The following AGO2 variants were observed in gnomAD, a reference collection of about 807,000 sequenced individuals.
AGO2 encodes argonaute RISC catalytic component 2.
Under a neutral mutation model 102.3 loss-of-function variants are expected in AGO2, and 5 were observed. The observed-to-expected ratio is 0.05, with a 90% CI of 0.03 to 0.10. The LOEUF is 0.10. Ranked by LOEUF, AGO2 falls within the 10% of genes least tolerant of loss-of-function variation. The pLI is 1.00. For missense variants in AGO2, 541 were observed against 1,183.7 expected (o/e 0.46, Z 7.97); for synonymous variants, 449 against 473.1 (o/e 0.95, Z 0.66).
At chr8:140,593,569 A>C (rs1423457571) in intron 1 of AGO2, among the ~76,000 whole-genome samples, 5 of 151,640 alleles carry the variant, frequency 3.3e-5, no homozygotes, top group South Asian at 2.1e-4. Flanking sequence ...AAAAAAAAAA[A>C]AACTTTGTGC....
chr8:140,551,440 C>A lies in AGO2; in HGVS notation c.1270-4G>T. The A allele has an allele frequency of 6.4e-7, 1 of 1,550,510 alleles. No homozygotes were observed. Among genetic ancestry groups the A allele is most frequent in the Non-Finnish European group, 8.8e-7 (1 of 1,141,046 alleles). On this transcript the variant is annotated splice_region_variant and splice_polypyrimidine_tract_variant and intron_variant, in intron 10 of 18. Transcript: ENST00000220592. ...CAGGGGTCGCAATAGCTTTATTCTG[C>A]AAATGGCAAAAGGTTCAGGGTGAGA...
At chr8:140,612,708 C>T (rs1316877021) in intron 1 of AGO2, among the ~76,000 whole-genome samples, 1 of 151,236 alleles carries the variant, frequency 6.6e-6, no homozygotes, top group African/African-American at 2.4e-5. Flanking sequence ...GCCGAGACTG[C>T]GCCACTGCAC....
Position 140,535,517 on chromosome 8 carries a change from G to C in AGO2, c.2222C>G (p.Thr741Ser). The change falls in exon 17 of 19, where the codon ACC becomes AGC. Residue 741 changes from threonine (T) to serine (S), a missense_variant. By Grantham distance (58) the Thr-to-Ser change is moderately conservative (BLOSUM62 1). This residue lies in a region of AGO2 where 309 missense variants were observed against 735.1 expected (regional missense o/e 0.42). Coordinates refer to ENST00000220592, the MANE Select transcript of AGO2 (RefSeq NM_012154.5). ...PAGTTVDTKI[T>S]HPTEFDFYLC... ...GTAGAAGTCGAACTCGGTGGGGTGG[G>C]TGATTTTCGTGTCCACAGTCGTGCC... 1 of 1,614,268 alleles carries C rather than the reference G, an allele frequency of 6.2e-7. No homozygotes were observed. Among genetic ancestry groups the C allele is most frequent in the Non-Finnish European group, 8.5e-7 (1 of 1,180,042 alleles).
At chr8:140,536,037 G>C (rs1169936816) in intron 16 of AGO2, among the ~76,000 whole-genome samples, 2 of 152,238 alleles carry the variant, frequency 1.3e-5, no homozygotes, top group African/African-American at 4.8e-5. Flanking sequence ...AGGAGTGCCT[G>C]TGCTTTGCCG....
chr8:140,580,246 T>C (rs1653502268), intron 2 of AGO2, among the ~76,000 whole-genome samples: 1 of 152,262 alleles, frequency 6.6e-6, no homozygotes, highest in Non-Finnish European at 1.5e-5. Context: ...GGGTGGACTA[T>C]ACTGCAGGGC....
At chr8:140,541,914 A>G (rs1588440537) in intron 14 of AGO2, among the ~76,000 whole-genome samples, 2 of 152,120 alleles carry the variant, frequency 1.3e-5, no homozygotes, top group Admixed American at 1.3e-4. Context: ...AAACAAAAAC[A>G]AAAACAAAAA....
At chr8:140,630,838 GC>G (rs1051779137) in intron 1 of AGO2, among the ~76,000 whole-genome samples, 1 of 152,218 alleles carries the variant, frequency 6.6e-6, no homozygotes, top group African/African-American at 2.4e-5. Context: ...AAAGGGACCT[GC>G]CCCAACACTC....
chr8:140,555,772 G>C (rs2073083914), intron 10 of AGO2, 124 bp downstream of exon 10: 1 of 1,339,706 alleles, frequency 7.5e-7, no homozygotes, highest in Admixed American at 2.9e-5. Flanking sequence ...GCTCAGCCGG[G>C]AGTAGAAAGG....
chr8:140,600,458 A>G (rs2133049396), intron 1 of AGO2, among the ~76,000 whole-genome samples: 1 of 152,314 alleles, frequency 6.6e-6, no homozygotes, highest in East Asian at 1.9e-4. Context: ...AGGCGGGCAG[A>G]TCACCTGAGG....
At chr8:140,597,483 C>CCCCCCCCCCCCCCCCG (rs2073865184) in intron 1 of AGO2, among the ~76,000 whole-genome samples, 1 of 138,234 alleles carries the variant, frequency 7.2e-6, no homozygotes, top group African/African-American at 3.0e-5. Flanking sequence ...CACCCCCCCC[C>CCCCCCCCCCCCCCCCG]CCCCGCCCCA....
At position 140,567,930 on chromosome 8, in the gene AGO2, A is replaced by G. The variant is rs2132962387; in HGVS notation, c.336+4882T>C. Among the ~76,000 whole-genome samples the G allele has an allele frequency of 6.6e-6, 1 of 152,138 alleles. No individual in the cohort carries two copies. The highest frequency in any genetic ancestry group is 2.1e-4 in the South Asian group (1 of 4,818). ...CGCTTGAGCTCAGGAGTTGCAGACC[A>G]GCCCGGGCAATGTGGCAAAACTCTG... is the stretch of plus-strand genomic sequence containing the variant. On this transcript the variant is annotated intron_variant, in intron 3 of 18. Transcript: ENST00000220592. The surrounding 1 kb of genome is among the most constrained non-coding windows in gnomAD (Gnocchi z 5.0).
At chr8:140,602,073 G>A (rs763765293) in intron 1 of AGO2, among the ~76,000 whole-genome samples, 38 of 152,168 alleles carry the variant, frequency 2.5e-4, no homozygotes, top group Admixed American at 9.8e-4. Flanking sequence ...GAACCACTGC[G>A]TTTGCATGTA....
chr8:140,640,297 A>C (rs1339783316), upstream of AGO2, among the ~76,000 whole-genome samples: 1 of 152,194 alleles, frequency 6.6e-6, no homozygotes, highest in Non-Finnish European at 1.5e-5. Flanking sequence ...GGCGTGAGCC[A>C]CCATGCACAG....
intron 1 of AGO2, among the ~76,000 whole-genome samples, chr8:140,633,381 C>T (rs2074365083): frequency 6.6e-6 from 1 of 152,134 alleles, no homozygotes; most frequent in Non-Finnish European, 1.5e-5. Flanking sequence ...CCCATCCTGC[C>T]ATTAGCTATG....
At chr8:140,639,480 G>GAAAA (rs36037273), upstream of AGO2, among the ~76,000 whole-genome samples, 16 of 139,870 alleles carry the variant, frequency 1.1e-4, no homozygotes, top group Middle Eastern at 3.5e-3. Flanking sequence ...AACTCCATCT[G>GAAAA]AAAAAAAAAA....
rs867621070 is a variant in AGO2, at chr8:140,573,426, G to A, written c.216-494C>T. 3.6e-4 allele frequency among the ~76,000 whole-genome samples: 54 copies of A among 151,860 alleles called. 1 individual carries two copies. Among genetic ancestry groups the A allele is most frequent in the African/African-American group, 1.2e-3 (48 of 41,386 alleles). ...ACTCCCAACCTCAAGTGATCCACCCGCCTTGGCCTCCCAAATGCTGGAATT... is the reference window on the plus strand; with the variant it reads ...ACTCCCAACCTCAAGTGATCCACCCACCTTGGCCTCCCAAATGCTGGAATT... On this transcript the variant is annotated intron_variant, in intron 2 of 18. Coordinates refer to ENST00000220592, the MANE Select transcript of AGO2 (RefSeq NM_012154.5).
chr8:140,581,403 A>G (rs1309076743), intron 2 of AGO2, among the ~76,000 whole-genome samples: 2 of 152,082 alleles, frequency 1.3e-5, no homozygotes, highest in African/African-American at 2.4e-5. Context: ...AATCCCAGCT[A>G]CTCCGGACGG....
intron 1 of AGO2, among the ~76,000 whole-genome samples, chr8:140,619,533 G>T (rs117404731): frequency 6.6e-6 from 1 of 152,316 alleles, no homozygotes; most frequent in South Asian, 2.1e-4. Context: ...TAAGGAAGCC[G>T]CGGGAGGCCT....
At position 140,579,767 on chromosome 8, in the gene AGO2, A is replaced by T. The variant is rs575906458; in HGVS notation, c.215+5352T>A. 2.3e-4 allele frequency among the ~76,000 whole-genome samples: 35 copies of T among 152,154 alleles called. No individual in the cohort carries two copies. In the South Asian group the frequency reaches 7.0e-3, roughly 31 times the overall value. On this transcript the variant is annotated intron_variant, in intron 2 of 18. Transcript: ENST00000220592. ...AGAGGGTACACGATGTTTCTGCTTT[A>T]ATACCTGCAATACCCGCACCAGACT...
Sources: allele counts gnomAD v4.1 joint callset (sites outside exome capture counted in the v4.1 genomes callset), GRCh38; gene constraint gnomAD v4.1.1; regional missense constraint gnomAD v4.1.1; non-coding constraint Gnocchi (gnomAD v3.1); transcripts MANE v1.5; gene names NCBI Gene and HGNC (gene_info 2026-07-23, HGNC 2026-07-21).